EFNA1: variants seen among roughly 807,000 people sequenced by gnomAD.
The protein encoded by EFNA1 is ephrin A1, also known as ephrin-A1.
In EFNA1, 8 loss-of-function variants were observed where a neutral mutation model predicts 23.2. That is an observed-to-expected ratio of 0.34 (90% confidence interval 0.20 to 0.62). The LOEUF is 0.62. Among genes scored for constraint, EFNA1 ranks in the 20% least tolerant of loss-of-function variants. The probability of loss-of-function intolerance (pLI) is 0.75; values close to 1 mark genes in which losing one functional copy is unlikely to be tolerated. For synonymous variants in EFNA1, 89 were observed against 98.6 expected, an observed-to-expected ratio of 0.90 and a Z score of 0.58; for missense variants, 217 against 260.0, an observed-to-expected ratio of 0.83 and a Z score of 1.14.
In EFNA1 at chr1:155,130,465, GAGGGGAGAGGAGGGGAGA is replaced by G. The variant is rs1448981356; in HGVS notation, c.93-873_93-856del. Reference sequence around the variant, plus strand: ...AGGGGTGCTGGCTCCACCTTGGGAGGAGGGGAGAGGAGGGGAGAGGGGGAGAGGAGGAGAGAGGGGAGA... The same window carrying G: ...AGGGGTGCTGGCTCCACCTTGGGAGGGGGGGAGAGGAGGAGAGAGGGGAGA... On this transcript the variant is annotated intron_variant, in intron 1 of 4. Coordinates refer to ENST00000368407, the MANE Select transcript of EFNA1 (RefSeq NM_004428.3). 7 of 967,578 alleles carry G rather than the reference GAGGGGAGAGGAGGGGAGA, an allele frequency of 7.2e-6. No homozygotes were observed. In the African/African-American group the frequency reaches 1.2e-4, roughly 17 times the overall value. The allele number at this position is 967,578 out of a possible 1,614,324, so 59.9% of individuals were successfully genotyped here.
chr1:155,133,683 T>C (rs973321901), intron 3 of EFNA1, 47 bp from the exon 4 acceptor site: 4 of 1,611,254 alleles, frequency 2.5e-6, no homozygotes, highest in Admixed American at 1.7e-5. Flanking sequence ...TACAGCCCTC[T>C]GCCTCTTTGA....
At chr1:155,131,748 C>A (rs1216047274) in intron 2 of EFNA1, 114 bp downstream of exon 2, 2 of 1,194,552 alleles carry the variant, frequency 1.7e-6, no homozygotes, top group South Asian at 1.5e-5. Context: ...ATCTTGAATT[C>A]TATTTTCATT....
chr1:155,132,306 T>C (rs992586093), intron 2 of EFNA1, among the ~76,000 whole-genome samples: 1 of 152,048 alleles, frequency 6.6e-6, no homozygotes, highest in African/African-American at 2.4e-5. Flanking sequence ...TGGAGTGCAG[T>C]GGTGTGATCT....
intron 3 of EFNA1, 45 bp downstream of exon 3, chr1:155,133,613 T>A (rs777643748): frequency 6.2e-7 from 1 of 1,611,606 alleles, no homozygotes; most frequent in Non-Finnish European, 8.5e-7. Context: ...ATCTCTATGC[T>A]GGGTGCGGTC....
chr1:155,131,745 A>T, intron 2 of EFNA1, 111 bp downstream of exon 2: 3 of 1,231,374 alleles, frequency 2.4e-6, no homozygotes, highest in Non-Finnish European at 3.4e-6. Context: ...CCGATCTTGA[A>T]TTCTATTTTC....
intron 2 of EFNA1, among the ~76,000 whole-genome samples, chr1:155,133,174 G>A (rs1664276039): frequency 6.6e-6 from 1 of 152,158 alleles, no homozygotes; most frequent in African/African-American, 2.4e-5. Flanking sequence ...CTCTCAAAGT[G>A]CTGGGATTAC....
chr1:155,131,331 G>A lies in EFNA1; in HGVS notation c.93-8G>A. 1 of 1,597,932 alleles carries A rather than the reference G, an allele frequency of 6.3e-7. No individual in the cohort carries two copies. The highest frequency in any genetic ancestry group is 8.6e-7 in the Non-Finnish European group (1 of 1,167,308). ...CCACCTGCTTCTTCCCCCTGTGTGT[G>A]TCCCCAGGTTCCGGAATGAGGACTA... On this transcript the variant is annotated splice_region_variant and splice_polypyrimidine_tract_variant and intron_variant, in intron 1 of 4. Transcript: ENST00000368407.
At chr1:155,133,841 G>A in intron 4 of EFNA1, 61 bp downstream of exon 4, 2 of 1,609,018 alleles carry the variant, frequency 1.2e-6, no homozygotes, top group Non-Finnish European at 1.7e-6. Flanking sequence ...AAGAGGTTGG[G>A]TACAGGAGGT....
At chr1:155,128,173 C>A in intron 1 of EFNA1, 104 bp downstream of exon 1, 1 of 1,016,816 alleles carries the variant, frequency 9.8e-7, no homozygotes, top group East Asian at 2.6e-5. Flanking sequence ...AGTAGATGAC[C>A]GAGGTAGGAG....
intron 1 of EFNA1, chr1:155,130,846 C>T (rs1360667312): frequency 1.0e-6 from 1 of 985,130 alleles, no homozygotes; most frequent in Non-Finnish European, 1.2e-6. Flanking sequence ...AAAGTGAAGA[C>T]ACAGATGTGT....
At chr1:155,130,375 T>G in intron 1 of EFNA1, 1 of 337,586 alleles carries the variant, frequency 3.0e-6, no homozygotes, top group Non-Finnish European at 4.1e-6. Flanking sequence ...TGTCTGGAGC[T>G]GGTGGGGAGG....
At chr1:155,130,995 T>C (rs1040635841) in intron 1 of EFNA1, 31 of 985,188 alleles carry the variant, frequency 3.1e-5, no homozygotes, top group Non-Finnish European at 3.5e-5. Context: ...GAAATATTTA[T>C]GGGTAGAAGA....
chr1:155,131,959 C>T lies in EFNA1; in HGVS notation c.388+325C>T, dbSNP rs372894623. On this transcript the variant is annotated intron_variant, in intron 2 of 4. Coordinates refer to ENST00000368407, the MANE Select transcript of EFNA1 (RefSeq NM_004428.3). ...GGCCTTGGGAAAATGACCTGGGCAC[C>T]TGCCAGGCTATGGGGCTCAGAGAAG... Among the ~76,000 whole-genome samples the T allele has an allele frequency of 9.3e-4, 142 of 152,272 alleles. 1 individual carries two copies. Among genetic ancestry groups the T allele is most frequent in the African/African-American group, 3.2e-3 (133 of 41,550 alleles).
chr1:155,130,693 A>G (rs1664221681), intron 1 of EFNA1: 2 of 985,196 alleles, frequency 2.0e-6, no homozygotes, highest in South Asian at 4.7e-5. Context: ...AGGGGGCTGA[A>G]TGAATTGATG....
intron 1 of EFNA1, chr1:155,131,025 G>C (rs1175714442): frequency 5.1e-6 from 5 of 985,284 alleles, no homozygotes; most frequent in Middle Eastern, 5.2e-4. Flanking sequence ...GTGAGCTACA[G>C]AAATAGGTAG....
chr1:155,131,150 G>A, intron 1 of EFNA1, 189 bp from the exon 2 acceptor site: 1 of 1,371,404 alleles, frequency 7.3e-7, no homozygotes, highest in Non-Finnish European at 9.5e-7. Context: ...GATGGTGCAG[G>A]GGAATGTTTA....
At position 155,128,216 on chromosome 1, in the gene EFNA1, C is replaced by T. The variant is rs192508064; in HGVS notation, c.92+147C>T. ...GTAGATTTTCCTCCCCTCACTTCTC[C>T]GTCATATCTGGGAGCACCCCACCCC... is the stretch of plus-strand genomic sequence containing the variant. On this transcript the variant is annotated intron_variant, in intron 1 of 4. Transcript: ENST00000368407. 9.2e-5 allele frequency: 64 copies of T among 696,454 alleles called. 1 individual carries two copies. Among genetic ancestry groups the T allele is most frequent in the South Asian group, 9.1e-4 (53 of 58,186 alleles). 43.1% of individuals were successfully genotyped at this position (696,454 alleles called of 1,614,324 possible).
chr1:155,134,234 C>G lies in EFNA1; in HGVS notation c.*167C>G, dbSNP rs1664321757. 2 of 677,760 alleles carry G rather than the reference C, an allele frequency of 3.0e-6. No individual in the cohort carries two copies. The highest frequency in any genetic ancestry group is 2.6e-5 in the Admixed American group (1 of 37,754). The allele number at this position is 677,760 out of a possible 1,614,324, so 42.0% of individuals were successfully genotyped here. ...CAAAACGGGTCAGTATTAAGGTTTT[C>G]AACCGGAAGGAGGCCAACCAGCCCG... On this transcript the variant is annotated 3_prime_UTR_variant, in exon 5 of 5. Transcript: ENST00000368407.
Position 155,133,522 on chromosome 1 carries a change from T to C in EFNA1, c.408T>C (p.His136=), listed in dbSNP as rs1355387222. ...YYYISKPIHQ[H]EDRCLRLKVT... The stretch of plus-strand genomic sequence containing the variant: ...TTGCAGCCAAACCCATCCACCAGCA[T>C]GAAGACCGCTGCTTGAGGTTGAAGG... The change falls in exon 3 of 5, where the codon CAT becomes CAC. Residue 136 remains histidine, a synonymous_variant. Coordinates refer to ENST00000368407, the MANE Select transcript of EFNA1 (RefSeq NM_004428.3). 1 of 1,614,096 alleles carries C rather than the reference T, an allele frequency of 6.2e-7. No individual in the cohort carries two copies. Among genetic ancestry groups the C allele is most frequent in the Admixed American group, 1.7e-5 (1 of 59,984 alleles).
Sources: gnomAD v4.1 joint callset for allele counts (sites outside exome capture counted in the v4.1 genomes callset) on GRCh38, gnomAD v4.1.1 for gene constraint, MANE v1.5 for transcripts, NCBI Gene and HGNC (gene_info 2026-07-23, HGNC 2026-07-21) for gene names.